Variants in TRPM1 observed in about 807,000 individuals in gnomAD.
TRPM1 encodes the protein transient receptor potential cation channel subfamily M member 1, also known as TRPM1-203 APA Isoform, Intron 10.
A neutral mutation model predicts 149.4 loss-of-function variants in TRPM1; 113 were observed. The ratio of observed to expected loss-of-function variants is 0.76; its 90% CI spans 0.65 to 0.88. The LOEUF (loss-of-function observed/expected upper bound fraction) is 0.88. Ranked by LOEUF, TRPM1 falls within the 40% of genes least tolerant of loss-of-function variation. The pLI, the probability that TRPM1 is intolerant of heterozygous loss-of-function variation, is 0.00. For synonymous variants in TRPM1, 741 were observed against 759.5 expected, an observed-to-expected ratio of 0.98 and a Z score of 0.40; for missense variants, 1,976 against 2,038.7, an observed-to-expected ratio of 0.97 and a Z score of 0.59.
At chr15:31,067,761 T>A in intron 5 of TRPM1, 118 bp downstream of exon 5, 1 of 1,019,522 alleles carries the variant, frequency 9.8e-7, no homozygotes. Context: ...ACTTTAGTCA[T>A]AAATAGGATC....
At chr15:31,078,026 G>A (rs951894425) in intron 2 of TRPM1, among the ~76,000 whole-genome samples, 14 of 152,124 alleles carry the variant, frequency 9.2e-5, no homozygotes, top group African/African-American at 2.7e-4. Flanking sequence ...GCAGGCATGG[G>A]GAAGTAGAAC....
intron 1 of TRPM1, among the ~76,000 whole-genome samples, chr15:31,144,455 A>G (rs1186573932): frequency 2.0e-5 from 3 of 152,174 alleles, no homozygotes; most frequent in African/African-American, 7.2e-5. Context: ...TGAACAAATA[A>G]AAGTCCAATC....
At chr15:31,079,226 T>C (rs1233157127) in intron 2 of TRPM1, among the ~76,000 whole-genome samples, 1 of 152,196 alleles carries the variant, frequency 6.6e-6, no homozygotes, top group East Asian at 1.9e-4. Context: ...ACAAAACAAA[T>C]TGCCCCAAAA....
intron 1 of TRPM1, among the ~76,000 whole-genome samples, chr15:31,123,733 C>G (rs1484555639): frequency 6.6e-6 from 1 of 152,166 alleles, no homozygotes; most frequent in African/African-American, 2.4e-5. Flanking sequence ...GCAGCAGAAA[C>G]TGATTCATTG....
At chr15:31,020,229 A>C (rs368117574) in intron 27 of TRPM1, among the ~76,000 whole-genome samples, 5 of 152,312 alleles carry the variant, frequency 3.3e-5, no homozygotes, top group African/African-American at 1.2e-4. Flanking sequence ...TTTCTCCCTT[A>C]CTTGCAACAC....
chr15:31,069,979 C>T (rs760249631), intron 4 of TRPM1, 52 bp downstream of exon 4: 6 of 1,613,890 alleles, frequency 3.7e-6, no homozygotes, highest in East Asian at 4.5e-5. Flanking sequence ...GGAGACTGGC[C>T]GCCAATGAAA....
At chr15:31,004,307 G>A (rs573023987) in intron 27 of TRPM1, among the ~76,000 whole-genome samples, 7 of 150,710 alleles carry the variant, frequency 4.6e-5, no homozygotes, top group African/African-American at 1.7e-4. Flanking sequence ...CAGCCACCCC[G>A]CTCTTTTGTC....
chr15:31,117,610 T>G (rs560991143), intron 1 of TRPM1, among the ~76,000 whole-genome samples: 1 of 149,420 alleles, frequency 6.7e-6, no homozygotes, highest in South Asian at 2.1e-4. Context: ...ATCACTTCAC[T>G]GCACTCCAGC....
chr15:31,067,100 C>A lies in TRPM1; in HGVS notation c.581G>T (p.Gly194Val). ...CAGGTCTTCCTTATTCTCCACGATG[C>A]CCCATGGAGCAATTCCTATAGCACA... ...RVCAIGIAPW[G>V]IVENKEDLVG... is the part of the protein sequence containing the mutation. Residue 194 changes from glycine to valine, a missense_variant, in exon 6 of 28, where the codon GGC becomes GTC. Physicochemically the swap from Gly to Val is moderately radical, Grantham distance 109. Coordinates refer to ENST00000256552, the MANE Select transcript of TRPM1 (RefSeq NM_001252024.2). 6.2e-7 allele frequency: 1 copy of A among 1,614,172 alleles called. No individual in the cohort carries two copies. Among genetic ancestry groups the A allele is most frequent in the African/African-American group, 1.3e-5 (1 of 75,032 alleles).
chr15:31,010,198 A>G (rs2032133340), intron 27 of TRPM1, among the ~76,000 whole-genome samples: 1 of 152,176 alleles, frequency 6.6e-6, no homozygotes, highest in South Asian at 2.1e-4. Context: ...CAGGTGATCA[A>G]CCTGGTTAGT....
chr15:31,006,013 A>C (rs1246855364), intron 27 of TRPM1, among the ~76,000 whole-genome samples: 2 of 152,168 alleles, frequency 1.3e-5, no homozygotes, highest in African/African-American at 4.8e-5. Context: ...ATCAGCAAAG[A>C]AGTTATTTGT....
intron 27 of TRPM1, among the ~76,000 whole-genome samples, chr15:31,023,564 G>C (rs1338005346): frequency 6.6e-6 from 1 of 152,224 alleles, no homozygotes; most frequent in Non-Finnish European, 1.5e-5. Context: ...GCCTGTACTA[G>C]GTGCGTTGGG....
rs936725508 is a variant in TRPM1, at chr15:31,081,443, G to A, written c.-83-5C>T. The A allele has an allele frequency of 7.9e-6, 12 of 1,527,792 alleles. No individual in the cohort carries two copies. In the Admixed American group the frequency reaches 7.9e-5, roughly 10 times the overall value. 94.6% of individuals were successfully genotyped at this position (1,527,792 alleles called of 1,614,324 possible). Reference sequence around the variant, plus strand: ...TCCTCAGAAATCTTCTAGAACCTACGAGGATAAACAAGAGGAGTAAGAGTC... The same window carrying A: ...TCCTCAGAAATCTTCTAGAACCTACAAGGATAAACAAGAGGAGTAAGAGTC... On this transcript the variant is annotated splice_region_variant and splice_polypyrimidine_tract_variant and intron_variant, in intron 1 of 27. Coordinates refer to ENST00000256552, the MANE Select transcript of TRPM1 (RefSeq NM_001252024.2).
intron 1 of TRPM1, among the ~76,000 whole-genome samples, chr15:31,099,778 G>T (rs1259973154): frequency 6.6e-6 from 1 of 152,156 alleles, no homozygotes; most frequent in Non-Finnish European, 1.5e-5. Context: ...ACACTGCAGA[G>T]AATAGACAAT....
intron 1 of TRPM1, 150 bp from the exon 2 acceptor site, chr15:31,081,588 A>G (rs753137705): frequency 1.5e-5 from 9 of 612,716 alleles, no homozygotes; most frequent in Middle Eastern, 4.3e-4. Flanking sequence ...ATCTACCCCA[A>G]CCCCTGCGCT....
chr15:31,088,588 C>T (rs926444851), intron 1 of TRPM1, among the ~76,000 whole-genome samples: 1 of 152,170 alleles, frequency 6.6e-6, no homozygotes, highest in Non-Finnish European at 1.5e-5. Flanking sequence ...TGAGCAAGGC[C>T]AAGAACCCAC....
chr15:31,129,357 C>T (rs2035989659), intron 1 of TRPM1, among the ~76,000 whole-genome samples: 1 of 152,204 alleles, frequency 6.6e-6, no homozygotes, highest in African/African-American at 2.4e-5. Flanking sequence ...TGGCCCTTTC[C>T]ACTTTGGGTC....
At chr15:31,018,000 C>T (rs2032429214) in intron 27 of TRPM1, among the ~76,000 whole-genome samples, 1 of 152,032 alleles carries the variant, frequency 6.6e-6, no homozygotes, top group African/African-American at 2.4e-5. Flanking sequence ...CTGTAGTAAG[C>T]CAGTTGTTAA....
intron 1 of TRPM1, among the ~76,000 whole-genome samples, chr15:31,122,266 A>G (rs971241537): frequency 6.6e-6 from 1 of 152,204 alleles, no homozygotes; most frequent in Non-Finnish European, 1.5e-5. Context: ...CCACTAAAAT[A>G]AGGAATAAGG....
Sources: allele counts gnomAD v4.1 joint callset (sites outside exome capture counted in the v4.1 genomes callset), GRCh38; gene constraint gnomAD v4.1.1; transcripts MANE v1.5; gene names NCBI Gene and HGNC (gene_info 2026-07-23, HGNC 2026-07-21).